The following PLCL2 variants were observed in gnomAD, a reference collection of about 807,000 sequenced individuals.
PLCL2 encodes the protein phospholipase C like 2, also known as inactive phospholipase C-like protein 2.
PLCL2 carries 4 observed loss-of-function variants against 79.6 expected under a neutral mutation model. That is an observed-to-expected ratio of 0.05 (90% confidence interval 0.02 to 0.11). The LOEUF (loss-of-function observed/expected upper bound fraction) is 0.11, where lower values mean the gene tolerates loss of function less well. Among genes scored for constraint, PLCL2 ranks in the 10% least tolerant of loss-of-function variants. The pLI, the probability that PLCL2 is intolerant of heterozygous loss-of-function variation, is 1.00. For synonymous variants in PLCL2, 484 were observed against 457.7 expected (o/e 1.06, Z -0.73); for missense variants, 895 against 1,291.0 (o/e 0.69, Z 4.70).
chr3:17,079,400 C>G (rs929212668), intron 5 of PLCL2, among the ~76,000 whole-genome samples: 1 of 152,246 alleles, frequency 6.6e-6, no homozygotes, highest in African/African-American at 2.4e-5. Context: ...CAGACGAGGC[C>G]ACTGTCCTAC....
rs1270771054 is a variant in PLCL2, at chr3:16,885,127, G to C, written c.88G>C (p.Ala30Pro). 1 of 475,412 alleles carries C rather than the reference G, an allele frequency of 2.1e-6. No individual in the cohort carries two copies. The highest frequency in any genetic ancestry group is 3.7e-6 in the Non-Finnish European group (1 of 267,886). 29.4% of individuals were successfully genotyped at this position (475,412 alleles called of 1,614,324 possible). ...CCTCGGCGCCAAGGGCGCCCTGAAAGCCGGAGTGGGGGAAGGCGGTGGCGG... is the reference window on the plus strand; with the variant it reads ...CCTCGGCGCCAAGGGCGCCCTGAAACCCGGAGTGGGGGAAGGCGGTGGCGG... ...PALGAKGALKAGVGEGGGGGG... is the reference protein window; with the variant it reads ...PALGAKGALKPGVGEGGGGGG... The change falls in exon 1 of 6, where the codon GCC becomes CCC. Residue 30 changes from alanine to proline, a missense_variant. By Grantham distance (27) the Ala-to-Pro change is conservative (BLOSUM62 -1). Coordinates refer to ENST00000615277, the MANE Select transcript of PLCL2 (RefSeq NM_001144382.2).
intron 1 of PLCL2, among the ~76,000 whole-genome samples, chr3:16,971,171 T>C (rs1370596239): frequency 6.6e-6 from 1 of 151,654 alleles, no homozygotes; most frequent in Non-Finnish European, 1.5e-5. Context: ...GCCTAGGTTT[T>C]CTTCTAGGGT....
At chr3:16,913,206 G>A (rs534149849) in intron 1 of PLCL2, among the ~76,000 whole-genome samples, 30 of 152,040 alleles carry the variant, frequency 2.0e-4, no homozygotes, top group Non-Finnish European at 4.0e-4. Flanking sequence ...ACTGGGCCTC[G>A]CAAACTGACA....
At position 17,009,651 on chromosome 3, in the gene PLCL2, A is replaced by G; in HGVS notation, c.328-23A>G. 5 of 1,273,890 alleles carry G rather than the reference A, an allele frequency of 3.9e-6. No individual in the cohort carries two copies. The highest frequency in any genetic ancestry group is 5.5e-6 in the Non-Finnish European group (5 of 902,746). The allele number at this position is 1,273,890 out of a possible 1,614,324, so 78.9% of individuals were successfully genotyped here. A position where few individuals can be genotyped will look rare whatever the true frequency, so the allele number is the denominator to read the frequency against. Reference sequence around the variant, plus strand: ...AAACCTATATTTATGTTATTCTAATATACGGTCTTTTTTTCCTCTCAGGAT... The same window carrying G: ...AAACCTATATTTATGTTATTCTAATGTACGGTCTTTTTTTCCTCTCAGGAT... On this transcript the variant is annotated intron_variant, in intron 1 of 5. Coordinates refer to ENST00000615277, the MANE Select transcript of PLCL2 (RefSeq NM_001144382.2). This position sits in a 1 kb window ranked among gnomAD's most constrained non-coding sequence, Gnocchi z 4.0.
intron 1 of PLCL2, among the ~76,000 whole-genome samples, chr3:17,008,024 T>A (rs1249487498): frequency 6.6e-6 from 1 of 152,150 alleles, no homozygotes; most frequent in Non-Finnish European, 1.5e-5. Context: ...CACACACAGA[T>A]GTGGATGTCA....
chr3:17,034,359 G>C (rs2064619710), intron 3 of PLCL2, among the ~76,000 whole-genome samples: 1 of 152,206 alleles, frequency 6.6e-6, no homozygotes, highest in Non-Finnish European at 1.5e-5. Flanking sequence ...ATTGGAATAA[G>C]TGGGTTGGAA....
intron 1 of PLCL2, among the ~76,000 whole-genome samples, chr3:16,946,586 G>T (rs967904948): frequency 6.6e-6 from 1 of 152,118 alleles, no homozygotes; most frequent in Non-Finnish European, 1.5e-5. Flanking sequence ...TTTTATGGGA[G>T]AATGAATTCA....
At chr3:16,992,504 G>T (rs1184356744) in intron 1 of PLCL2, among the ~76,000 whole-genome samples, 1 of 152,218 alleles carries the variant, frequency 6.6e-6, no homozygotes, top group Non-Finnish European at 1.5e-5. Context: ...GCATTGTGGT[G>T]AGATAGGTGA....
At chr3:17,007,418 G>A (rs956272438) in intron 1 of PLCL2, among the ~76,000 whole-genome samples, 3 of 152,196 alleles carry the variant, frequency 2.0e-5, no homozygotes, top group African/African-American at 4.8e-5. Flanking sequence ...TACAATCTAT[G>A]CTTTAGGGAT....
intron 5 of PLCL2, among the ~76,000 whole-genome samples, chr3:17,070,732 C>G (rs1193515089): frequency 6.6e-6 from 1 of 151,996 alleles, no homozygotes; most frequent in Non-Finnish European, 1.5e-5. Context: ...TGGGATCTGT[C>G]GAGTTCCTCC....
chr3:16,941,327 T>G (rs1697678312), intron 1 of PLCL2, among the ~76,000 whole-genome samples: 1 of 152,164 alleles, frequency 6.6e-6, no homozygotes, highest in Non-Finnish European at 1.5e-5. Context: ...TTTCTTCCAT[T>G]TTTGGCTCTT....
intron 1 of PLCL2, among the ~76,000 whole-genome samples, chr3:16,974,196 G>C (rs1260651181): frequency 6.6e-6 from 1 of 152,144 alleles, no homozygotes; most frequent in Admixed American, 6.5e-5. Flanking sequence ...CCATCTTAAT[G>C]AGGGCTATCT....
At chr3:16,921,544 T>C (rs1039406707) in intron 1 of PLCL2, among the ~76,000 whole-genome samples, 2 of 152,292 alleles carry the variant, frequency 1.3e-5, no homozygotes, top group East Asian at 1.9e-4. Flanking sequence ...GGGGATCTTA[T>C]TTCAACAGAC....
Position 16,955,112 on chromosome 3 carries a change from C to T in PLCL2, c.328-54562C>T, listed in dbSNP as rs2063691772. Among the ~76,000 whole-genome samples, 4 of 152,322 alleles carry T rather than the reference C, an allele frequency of 2.6e-5. No homozygotes were observed. In the South Asian group the frequency reaches 8.3e-4, roughly 32 times the overall value. ...ATGAAGTCCTTGCACATGACTACGTCCTGAATGGTAATGCCTAGGTTTTCT... is the reference window on the plus strand; with the variant it reads ...ATGAAGTCCTTGCACATGACTACGTTCTGAATGGTAATGCCTAGGTTTTCT... On this transcript the variant is annotated intron_variant, in intron 1 of 5. Coordinates refer to ENST00000615277, the MANE Select transcript of PLCL2 (RefSeq NM_001144382.2).
At chr3:16,959,112 C>T (rs780222707) in intron 1 of PLCL2, among the ~76,000 whole-genome samples, 1 of 152,184 alleles carries the variant, frequency 6.6e-6, no homozygotes, top group African/African-American at 2.4e-5. Flanking sequence ...TTTTCCACTG[C>T]AGCTCCTGCT....
intron 1 of PLCL2, among the ~76,000 whole-genome samples, chr3:16,971,104 T>C (rs1380289353): frequency 4.6e-5 from 7 of 151,544 alleles, no homozygotes; most frequent in African/African-American, 1.7e-4. Context: ...TTGTTGCCAT[T>C]GCTTTTGGTG....
At chr3:16,922,112 G>T (rs2124935528) in intron 1 of PLCL2, among the ~76,000 whole-genome samples, 1 of 152,270 alleles carries the variant, frequency 6.6e-6, no homozygotes, top group East Asian at 1.9e-4. Flanking sequence ...AAATTCGTAT[G>T]AAGCAGAATC....
In PLCL2 at chr3:17,011,935, C is replaced by A; in HGVS notation, c.2589C>A (p.Ser863=). The A allele has an allele frequency of 1.2e-6, 2 of 1,614,206 alleles. No homozygotes were observed. The highest frequency in any genetic ancestry group is 1.7e-6 in the Non-Finnish European group (2 of 1,180,028). The change falls in exon 2 of 6, where the codon TCC becomes TCA. Residue 863 remains serine (S), a synonymous_variant. Transcript: ENST00000615277. This position sits in a 1 kb window ranked among gnomAD's most constrained non-coding sequence, Gnocchi z 7.9. ...QTGYRHVPLQ[S]LTGEVLAHAS... is the part of the protein sequence containing the mutation. ...GCTACCGCCATGTCCCCCTGCAGTCCTTAACTGGAGAGGTCCTTGCACATG... is the reference window on the plus strand; with the variant it reads ...GCTACCGCCATGTCCCCCTGCAGTCATTAACTGGAGAGGTCCTTGCACATG...
At chr3:16,981,147 T>TC (rs2063992512) in intron 1 of PLCL2, among the ~76,000 whole-genome samples, 1 of 101,912 alleles carries the variant, frequency 9.8e-6, no homozygotes, top group Non-Finnish European at 1.9e-5. Flanking sequence ...AGAGGGAGAC[T>TC]CGGGGGAGAG....
Sources: allele counts gnomAD v4.1 joint callset (sites outside exome capture counted in the v4.1 genomes callset), GRCh38; gene constraint gnomAD v4.1.1; non-coding constraint Gnocchi (gnomAD v3.1); transcripts MANE v1.5; gene names NCBI Gene and HGNC (gene_info 2026-07-23, HGNC 2026-07-21).